PIK3CD: variants seen among roughly 807,000 people sequenced by gnomAD.
The protein encoded by PIK3CD is phosphatidylinositol-4,5-bisphosphate 3-kinase catalytic subunit delta.
A neutral mutation model predicts 122.9 loss-of-function variants in PIK3CD; 20 were observed. The ratio of observed to expected loss-of-function variants is 0.16; its 90% confidence interval spans 0.11 to 0.24. The LOEUF (loss-of-function observed/expected upper bound fraction) is 0.24. Among genes scored for constraint, PIK3CD ranks in the 10% least tolerant of loss-of-function variants. PIK3CD has a pLI of 1.00. For missense variants in PIK3CD, 787 were observed against 1,406.3 expected (o/e 0.56, Z 7.04); for synonymous variants, 596 against 593.4 (o/e 1.00, Z -0.06).
At chr1:9,690,442 C>T (rs899606295) in intron 1 of PIK3CD, among the ~76,000 whole-genome samples, 3 of 152,302 alleles carry the variant, frequency 2.0e-5, no homozygotes, top group Admixed American at 2.0e-4. Flanking sequence ...TATAATTTGT[C>T]GTGGTAACGG....
At chr1:9,721,941 C>T in intron 16 of PIK3CD, 34 bp from the exon 17 acceptor site, 2 of 1,613,002 alleles carry the variant, frequency 1.2e-6, no homozygotes, top group Non-Finnish European at 1.7e-6. Flanking sequence ...GAGGCTGGGA[C>T]CTGCCCACCG....
At chr1:9,702,534 T>TTTTTTTTTTTTTTTTTTTTTTTTTC (rs1646683545) in intron 2 of PIK3CD, among the ~76,000 whole-genome samples, 1 of 124,166 alleles carries the variant, frequency 8.1e-6, no homozygotes. Flanking sequence ...TTTTTTTTTT[T>TTTTTTTTTTTTTTTTTTTTTTTTTC]TTTGAGGCAG....
At chr1:9,667,414 T>C (rs1383548918) in intron 1 of PIK3CD, among the ~76,000 whole-genome samples, 7 of 151,906 alleles carry the variant, frequency 4.6e-5, no homozygotes, top group Non-Finnish European at 8.8e-5. Context: ...GCTCACTCTG[T>C]GGTCCAGGCT....
At position 9,722,723 on chromosome 1, in the gene PIK3CD, C is replaced by T; in HGVS notation, c.2426+117C>T. The T allele has an allele frequency of 2.3e-6, 2 of 886,326 alleles. No individual in the cohort carries two copies. The highest frequency in any genetic ancestry group is 3.7e-6 in the Non-Finnish European group (2 of 540,464). 54.9% of individuals were successfully genotyped at this position (886,326 alleles called of 1,614,324 possible). On this transcript the variant is annotated intron_variant, in intron 19 of 23. Transcript: ENST00000377346. This position sits in a 1 kb window ranked among gnomAD's most constrained non-coding sequence, Gnocchi z 7.6. The stretch of plus-strand genomic sequence containing the variant: ...CCATCTCAGCCGGGGAAAGGGCTTT[C>T]CTAGGAAGACCCGGAGGCGGTTTAA...
At chr1:9,716,130 A>G (rs746805464) in intron 5 of PIK3CD, 52 bp downstream of exon 5, 7 of 1,443,816 alleles carry the variant, frequency 4.8e-6, no homozygotes, top group African/African-American at 2.8e-5. Flanking sequence ...CATGGGGAGC[A>G]CTTCCTCTGT....
rs2100868986 is a variant in PIK3CD at position 9,717,094 on chromosome 1, A to G, written c.916A>G (p.Ile306Val). The G allele has an allele frequency of 1.2e-6, 2 of 1,613,812 alleles. No individual in the cohort carries two copies. The highest frequency in any genetic ancestry group is 1.7e-6 in the Non-Finnish European group (2 of 1,180,004). ...GAAACCGCGTGCCAAACCACCTCCCATTCCTGCGAAGAAGGTGAGATGGCG... is the reference window on the plus strand; with the variant it reads ...GAAACCGCGTGCCAAACCACCTCCCGTTCCTGCGAAGAAGGTGAGATGGCG... ...VQKPRAKPPP[I>V]PAKKPSSVSL... The change falls in exon 7 of 24, where the codon ATT becomes GTT. Residue 306 changes from isoleucine (I) to valine (V), a missense_variant. Ile to Val is a conservative substitution (Grantham distance 29). Coordinates refer to ENST00000377346, the MANE Select transcript of PIK3CD (RefSeq NM_005026.5). The surrounding 1 kb of genome is among the most constrained non-coding windows in gnomAD (Gnocchi z 5.4).
rs1649908793 is a variant in PIK3CD at position 9,727,801 on chromosome 1, CAA to C, written c.*759_*760del. ...AGAAGCGAATACTCTGCCATTATCT[CAA>C]AAATCTTTTTTTTTTTTTTGAGATG... On this transcript the variant is annotated 3_prime_UTR_variant, in exon 24 of 24. Coordinates refer to ENST00000377346, the MANE Select transcript of PIK3CD (RefSeq NM_005026.5). 1 of 187,510 alleles carries C rather than the reference CAA, an allele frequency of 5.3e-6. No individual in the cohort carries two copies. Among genetic ancestry groups the C allele is most frequent in the Admixed American group, 6.3e-5 (1 of 15,912 alleles). 11.6% of individuals were successfully genotyped at this position (187,510 alleles called of 1,614,324 possible). A position where few individuals can be genotyped will look rare whatever the true frequency, so the allele number is the denominator to read the frequency against.
chr1:9,656,867 C>A (rs1644871066), intron 1 of PIK3CD, among the ~76,000 whole-genome samples: 1 of 150,772 alleles, frequency 6.6e-6, no homozygotes, highest in South Asian at 2.1e-4. Context: ...TACTTGAACC[C>A]AGGAGGCAGA....
At position 9,718,631 on chromosome 1, in the gene PIK3CD, A is replaced by AAGGGGG; in HGVS notation, c.1021-57_1021-52dup. 6.9e-7 allele frequency: 1 copy of AAGGGGG among 1,458,854 alleles called. No homozygotes were observed. Among genetic ancestry groups the AAGGGGG allele is most frequent in the Non-Finnish European group, 9.5e-7 (1 of 1,054,258 alleles). The allele number at this position is 1,458,854 out of a possible 1,614,324, so 90.4% of individuals were successfully genotyped here. A position where few individuals can be genotyped will look rare whatever the true frequency, so the allele number is the denominator to read the frequency against. On this transcript the variant is annotated intron_variant, in intron 8 of 23. Coordinates refer to ENST00000377346, the MANE Select transcript of PIK3CD (RefSeq NM_005026.5). The surrounding 1 kb of genome is among the most constrained non-coding windows in gnomAD (Gnocchi z 7.2). ...CATTCAAGGGGGAGACTGACACCTT[A>AAGGGGG]AGGGGGAGGGGAGAGGGGCTGGGCC...
At chr1:9,633,540 C>T in the PIK3CD span, among the ~76,000 whole-genome samples, 2 of 151,790 alleles carry the variant, frequency 1.3e-5, no homozygotes, top group Non-Finnish European at 2.9e-5. Flanking sequence ...AACTCCTGAC[C>T]TCAGGCCATC....
At chr1:9,697,900 C>T (rs868285791) in intron 2 of PIK3CD, among the ~76,000 whole-genome samples, 9 of 145,968 alleles carry the variant, frequency 6.2e-5, no homozygotes, top group African/African-American at 5.1e-5. Context: ...GGTGTGGTGG[C>T]GTGCACCTGT....
chr1:9,708,442 A>C (rs1646927260), intron 2 of PIK3CD, among the ~76,000 whole-genome samples: 1 of 151,982 alleles, frequency 6.6e-6, no homozygotes, highest in African/African-American at 2.4e-5. Context: ...TCGCCTCCCA[A>C]AGTGCTGGGA....
chr1:9,635,746 C>T, the PIK3CD span, among the ~76,000 whole-genome samples: 1 of 152,370 alleles, frequency 6.6e-6, no homozygotes, highest in African/African-American at 2.4e-5. Context: ...GCCTGGATTA[C>T]AGCTGCAACT....
upstream of PIK3CD, among the ~76,000 whole-genome samples, chr1:9,650,462 A>T (rs189307713): frequency 6.6e-6 from 1 of 152,040 alleles, no homozygotes; most frequent in Non-Finnish European, 1.5e-5. Context: ...AAACAAACAA[A>T]AAAACATGAA....
At chr1:9,631,308 G>A in the PIK3CD span, among the ~76,000 whole-genome samples, 1 of 152,204 alleles carries the variant, frequency 6.6e-6, no homozygotes, top group African/African-American at 2.4e-5. Context: ...TAGTGGTCAA[G>A]TGTGAACGCT....
At chr1:9,660,617 C>T (rs1283525905) in intron 1 of PIK3CD, among the ~76,000 whole-genome samples, 3 of 152,106 alleles carry the variant, frequency 2.0e-5, no homozygotes, top group Admixed American at 2.0e-4. Context: ...TGCCCAGATC[C>T]ACCGGGAAAA....
At position 9,652,045 on chromosome 1, in the gene PIK3CD, C is replaced by G. The variant is rs893559401; in HGVS notation, c.-138+243C>G. Among the ~76,000 whole-genome samples, 1 of 151,794 alleles carries G rather than the reference C, an allele frequency of 6.6e-6. No individual in the cohort carries two copies. The highest frequency in any genetic ancestry group is 1.5e-5 in the Non-Finnish European group (1 of 67,906). On this transcript the variant is annotated intron_variant, in intron 1 of 23. Coordinates refer to ENST00000377346, the MANE Select transcript of PIK3CD (RefSeq NM_005026.5). This position sits in a 1 kb window ranked among gnomAD's most constrained non-coding sequence, Gnocchi z 6.2. ...GCCCTAGAGGCCCGGGGCCGTCCCC[C>G]GTGGGCCCGCCGAGAGGGGCGTGCG...
intron 2 of PIK3CD, among the ~76,000 whole-genome samples, chr1:9,709,052 G>A (rs184339328): frequency 2.6e-5 from 4 of 151,356 alleles, no homozygotes; most frequent in East Asian, 1.9e-4. Flanking sequence ...TTTTTGAGAC[G>A]GAGTTTCGCT....
the PIK3CD span, among the ~76,000 whole-genome samples, chr1:9,630,805 G>A: frequency 2.0e-5 from 3 of 151,942 alleles, no homozygotes; most frequent in Admixed American, 2.0e-4. Flanking sequence ...ATGTGCAAAC[G>A]TCCAGAGTCA....
Sources: allele counts gnomAD v4.1 joint callset (sites outside exome capture counted in the v4.1 genomes callset), GRCh38; gene constraint gnomAD v4.1.1; non-coding constraint Gnocchi (gnomAD v3.1); transcripts MANE v1.5; gene names NCBI Gene and HGNC (gene_info 2026-07-23, HGNC 2026-07-21).